Variants in PDS5B observed in about 807,000 individuals in gnomAD.
PDS5B encodes PDS5 cohesin associated factor B, also known as sister chromatid cohesion protein PDS5 homolog B.
In PDS5B, 51 loss-of-function variants were observed where a neutral mutation model predicts 184.1. That is an observed-to-expected ratio of 0.28 (90% CI 0.22 to 0.35). The LOEUF (loss-of-function observed/expected upper bound fraction) is 0.35. Among genes scored for constraint, PDS5B ranks in the 10% least tolerant of loss-of-function variants. PDS5B has a pLI of 1.00. For missense variants in PDS5B, 1,180 were observed against 1,723.3 expected (o/e 0.68, Z 5.58); for synonymous variants, 566 against 569.2 (o/e 0.99, Z 0.08).
chr13:32,738,424 G>C (rs1159548751), intron 21 of PDS5B, among the ~76,000 whole-genome samples: 1 of 152,078 alleles, frequency 6.6e-6, no homozygotes, highest in East Asian at 1.9e-4. Flanking sequence ...GTCCCAATGT[G>C]CATTTCTGTG....
chr13:32,760,244 T>C (rs924588264), intron 29 of PDS5B, among the ~76,000 whole-genome samples: 15 of 152,300 alleles, frequency 9.8e-5, no homozygotes, highest in South Asian at 6.2e-4. Flanking sequence ...CGTGAGCCAC[T>C]GCACCCGGCC....
chr13:32,680,096 T>G (rs1358054691), intron 10 of PDS5B, among the ~76,000 whole-genome samples: 1 of 152,218 alleles, frequency 6.6e-6, no homozygotes. Flanking sequence ...TTTTTTCACC[T>G]TATATTTGCT....
chr13:32,717,831 G>A (rs937421784), intron 19 of PDS5B, among the ~76,000 whole-genome samples: 1 of 148,554 alleles, frequency 6.7e-6, no homozygotes, highest in Non-Finnish European at 1.5e-5. Context: ...AGAAAAGAAA[G>A]CACTCATTTT....
intron 1 of PDS5B, among the ~76,000 whole-genome samples, chr13:32,614,360 T>G (rs189716278): frequency 1.3e-5 from 2 of 151,266 alleles, no homozygotes; most frequent in Admixed American, 6.6e-5. Flanking sequence ...TGCAGTGGTG[T>G]GATCTCAGCT....
At chr13:32,639,768 CTT>C (rs1370712395) in intron 1 of PDS5B, among the ~76,000 whole-genome samples, 1 of 152,222 alleles carries the variant, frequency 6.6e-6, no homozygotes, top group African/African-American at 2.4e-5. Context: ...ATATCAGACT[CTT>C]TACAAAATCT....
chr13:32,664,731 G>C (rs923643546), intron 6 of PDS5B, among the ~76,000 whole-genome samples: 3 of 152,122 alleles, frequency 2.0e-5, no homozygotes, highest in African/African-American at 7.2e-5. Context: ...ACGCATGTCT[G>C]TAGTCCCAGT....
chr13:32,624,501 T>A (rs1051312347), intron 1 of PDS5B, among the ~76,000 whole-genome samples: 17 of 152,196 alleles, frequency 1.1e-4, no homozygotes, highest in Non-Finnish European at 2.2e-4. Context: ...CAGCAGCCTC[T>A]TGTTGCTTGC....
intron 13 of PDS5B, among the ~76,000 whole-genome samples, chr13:32,694,011 A>T (rs1046210329): frequency 6.6e-6 from 1 of 151,654 alleles, no homozygotes; most frequent in Non-Finnish European, 1.5e-5. Context: ...TTCCTACCCT[A>T]ATTCGACCAC....
chr13:32,701,207 G>T, intron 16 of PDS5B, 116 bp from the exon 17 acceptor site: 1 of 568,976 alleles, frequency 1.8e-6, no homozygotes, highest in East Asian at 2.9e-5. Context: ...AATTCTTACA[G>T]TTTGTTTATT....
rs117309729 is a variant in PDS5B, at chr13:32,749,098, C to T, written c.2736+2998C>T. Among the ~76,000 whole-genome samples the T allele has an allele frequency of 9.2e-5, 14 of 152,272 alleles. No individual in the cohort carries two copies. In the East Asian group the frequency reaches 2.5e-3, roughly 27 times the overall value. Reference sequence around the variant, plus strand: ...ATTTTACAACCTGGTGTTTGAGCCCCTCTAATATTTTAACCCAAATGTACG... The same window carrying T: ...ATTTTACAACCTGGTGTTTGAGCCCTTCTAATATTTTAACCCAAATGTACG... On this transcript the variant is annotated intron_variant, in intron 24 of 34. Transcript: ENST00000315596.
At chr13:32,708,876 A>G (rs1952113210) in intron 18 of PDS5B, among the ~76,000 whole-genome samples, 1 of 151,970 alleles carries the variant, frequency 6.6e-6, no homozygotes, top group African/African-American at 2.4e-5. Context: ...ATTCTCTTAT[A>G]TGTAAATTAT....
At chr13:32,652,197 TAAG>T (rs1322976036) in intron 3 of PDS5B, 190 bp downstream of exon 3, 17 of 543,892 alleles carry the variant, frequency 3.1e-5, no homozygotes, top group Middle Eastern at 4.8e-4. Flanking sequence ...GTCTTGAGGT[TAAG>T]AAGTAGATTA....
At chr13:32,684,389 GTATGAATTGGTAGTTGTC>G (rs1951329748) in intron 11 of PDS5B, among the ~76,000 whole-genome samples, 1 of 152,130 alleles carries the variant, frequency 6.6e-6, no homozygotes, top group Non-Finnish European at 1.5e-5. Flanking sequence ...TGTTATATGG[GTATGAATTGGTAGTTGTC>G]TAGCTGGTTG....
intron 17 of PDS5B, among the ~76,000 whole-genome samples, chr13:32,701,748 C>T (rs957686373): frequency 6.6e-5 from 10 of 151,964 alleles, no homozygotes; most frequent in African/African-American, 1.9e-4. Flanking sequence ...TATCTGTTAA[C>T]GGTATACCAG....
intron 1 of PDS5B, among the ~76,000 whole-genome samples, chr13:32,632,350 C>A (rs1459893769): frequency 6.6e-6 from 1 of 152,052 alleles, no homozygotes; most frequent in Non-Finnish European, 1.5e-5. Context: ...TAAAAGTGAG[C>A]AATGATCTTG....
At position 32,672,537 on chromosome 13, in the gene PDS5B, A is replaced by G. The variant is rs139611390; in HGVS notation, c.706-679A>G. Among the ~76,000 whole-genome samples, 172 of 152,324 alleles carry G rather than the reference A, an allele frequency of 1.1e-3. 1 individual carries two copies. The highest frequency in any genetic ancestry group is 3.8e-3 in the African/African-American group (159 of 41,582). On this transcript the variant is annotated intron_variant, in intron 7 of 34. Coordinates refer to ENST00000315596, the MANE Select transcript of PDS5B (RefSeq NM_015032.4). ...GAAGTCCGAGAGTAGGCTGTCTGCA[A>G]GCTGGAGAACCAGGGAAGCCAATGG...
At chr13:32,638,652 C>CT (rs914868383) in intron 1 of PDS5B, among the ~76,000 whole-genome samples, 9 of 73,336 alleles carry the variant, frequency 1.2e-4, no homozygotes, top group African/African-American at 7.4e-4. Context: ...TATTTGAATG[C>CT]TGAGAGAGTA....
intron 24 of PDS5B, among the ~76,000 whole-genome samples, chr13:32,746,762 G>A (rs1378873876): frequency 6.6e-6 from 1 of 152,222 alleles, no homozygotes; most frequent in Non-Finnish European, 1.5e-5. Flanking sequence ...AGAAGGCACA[G>A]TGTTGCCTTC....
At chr13:32,745,861 C>A in intron 23 of PDS5B, 116 bp from the exon 24 acceptor site, 1 of 803,644 alleles carries the variant, frequency 1.2e-6, no homozygotes, top group Non-Finnish European at 2.0e-6. Flanking sequence ...ACATTCAGAT[C>A]ACAGCATTTT....
Sources: gnomAD v4.1 joint callset for allele counts (sites outside exome capture counted in the v4.1 genomes callset) on GRCh38, gnomAD v4.1.1 for gene constraint, MANE v1.5 for transcripts, NCBI Gene and HGNC (gene_info 2026-07-23, HGNC 2026-07-21) for gene names.